The following NEU3 variants were observed in gnomAD, a reference collection of about 807,000 sequenced individuals.
NEU3 encodes the protein neuraminidase 3.
In NEU3, 10 loss-of-function variants were observed where a neutral mutation model predicts 11.4. The ratio of observed to expected loss-of-function variants is 0.88; its 90% CI spans 0.54 to 1.49. NEU3 has a LOEUF of 1.49. Ranked by LOEUF, NEU3 falls within the 40% of genes most tolerant of loss-of-function variation. The pLI is 0.00. For synonymous variants in NEU3, 212 were observed against 228.2 expected (o/e 0.93, Z 0.64); for missense variants, 529 against 581.8 (o/e 0.91, Z 0.93).
downstream of NEU3, among the ~76,000 whole-genome samples, chr11:75,012,574 G>A (rs774401027): frequency 1.3e-5 from 2 of 152,198 alleles, no homozygotes; most frequent in Non-Finnish European, 2.9e-5. Flanking sequence ...ACCTTTTGGC[G>A]ATTTGTCGCA....
rs1565497318 is a variant in NEU3, at chr11:75,005,717, C to T, written c.611C>T (p.Ser204Leu). Residue 204 changes from serine to leucine, a missense_variant, in exon 3 of 3, where the codon TCA becomes TTA. Transcript: ENST00000294064. ...VGPGHGIQLQ[S>L]GRLVIPAYTY... ...CCAGGTCATGGCATCCAGCTGCAGTCAGGGAGACTGGTCATCCCTGCGTAT... is the reference window on the plus strand; with the variant it reads ...CCAGGTCATGGCATCCAGCTGCAGTTAGGGAGACTGGTCATCCCTGCGTAT... The T allele has an allele frequency of 6.2e-7, 1 of 1,614,018 alleles. No individual in the cohort carries two copies. The highest frequency in any genetic ancestry group is 1.1e-5 in the South Asian group (1 of 91,080).
intron 2 of NEU3, 21 bp from the exon 3 acceptor site, chr11:75,005,392 T>G (rs1467901176): frequency 1.9e-6 from 3 of 1,560,580 alleles, no homozygotes; most frequent in Non-Finnish European, 2.6e-6. Context: ...CACTCCTACT[T>G]TCTCCCTTCT....
downstream of NEU3, among the ~76,000 whole-genome samples, chr11:75,020,363 C>T (rs892556431): frequency 6.6e-6 from 1 of 152,030 alleles, no homozygotes; most frequent in African/African-American, 2.4e-5. Context: ...TTGGGAGGGG[C>T]CAGGAGCAGA....
rs1270339175 is a variant in NEU3 at position 75,008,146 on chromosome 11, C to T, written c.*1654C>T. On this transcript the variant is annotated 3_prime_UTR_variant, in exon 3 of 3. Transcript: ENST00000294064. ...ATTTATCTAAATATTTCTTGAGTGC[C>T]TAATACAAGGTACTTTCTACTGCCA... 6.6e-6 allele frequency: 1 copy of T among 152,198 alleles called. No individual in the cohort carries two copies. Among genetic ancestry groups the T allele is most frequent in the Non-Finnish European group, 1.5e-5 (1 of 68,050 alleles). The allele number at this position is 152,198 out of a possible 1,614,324, so 9.4% of individuals were successfully genotyped here.
At chr11:74,990,129 A>G (rs1390779252) in intron 1 of NEU3, 2 of 662,642 alleles carry the variant, frequency 3.0e-6, no homozygotes, top group Non-Finnish European at 5.5e-6. Flanking sequence ...ATAATTAAAG[A>G]CACCTATTAA....
chr11:75,017,326 G>T (rs1565500848), intron 3 of NEU3, among the ~76,000 whole-genome samples: 1 of 152,180 alleles, frequency 6.6e-6, no homozygotes, highest in Admixed American at 6.5e-5. Context: ...TTGCTAAGGT[G>T]CTGAGGCTGA....
chr11:74,995,088 G>A (rs779722158), intron 2 of NEU3: 1 of 528,096 alleles, frequency 1.9e-6, no homozygotes, highest in Non-Finnish European at 3.4e-6. Flanking sequence ...GCTAACGTAT[G>A]ATGTGCCTTT....
rs957139752 is a variant in NEU3 at position 75,010,206 on chromosome 11, C to T, written c.*3714C>T. Reference sequence around the variant, plus strand: ...AGGCTGTGAACTCCTTGACTGACTCCTCACTGTGTCCTTTTTACCTTGAAT... The same window carrying T: ...AGGCTGTGAACTCCTTGACTGACTCTTCACTGTGTCCTTTTTACCTTGAAT... On this transcript the variant is annotated 3_prime_UTR_variant, in exon 3 of 3. Coordinates refer to ENST00000294064, the MANE Select transcript of NEU3 (RefSeq NM_006656.6). 2 of 152,248 alleles carry T rather than the reference C, an allele frequency of 1.3e-5. No individual in the cohort carries two copies. The highest frequency in any genetic ancestry group is 6.5e-5 in the Admixed American group (1 of 15,288). The allele number at this position is 152,248 out of a possible 1,614,324, so 9.4% of individuals were successfully genotyped here.
chr11:75,002,100 G>A (rs1948850538), intron 2 of NEU3, among the ~76,000 whole-genome samples: 1 of 152,164 alleles, frequency 6.6e-6, no homozygotes, highest in African/African-American at 2.4e-5. Context: ...CTGTCACCTA[G>A]GGTGGAGTGC....
Position 75,006,599 on chromosome 11 carries a change from C to A in NEU3, c.*107C>A. The stretch of plus-strand genomic sequence containing the variant: ...AAAAAACTTAATATTCTGTTCCCTA[C>A]CTTTTTTCACTTTTCCTCCTCCAAA... On this transcript the variant is annotated 3_prime_UTR_variant, in exon 3 of 3. Coordinates refer to ENST00000294064, the MANE Select transcript of NEU3 (RefSeq NM_006656.6). 7.5e-7 allele frequency: 1 copy of A among 1,339,814 alleles called. No homozygotes were observed. The highest frequency in any genetic ancestry group is 9.9e-7 in the Non-Finnish European group (1 of 1,005,792). 83.0% of individuals were successfully genotyped at this position (1,339,814 alleles called of 1,614,324 possible). A position where few individuals can be genotyped will look rare whatever the true frequency, so the allele number is the denominator to read the frequency against.
upstream of NEU3, among the ~76,000 whole-genome samples, chr11:74,984,698 T>C (rs1480931240): frequency 5.3e-5 from 8 of 152,198 alleles, no homozygotes; most frequent in Non-Finnish European, 2.9e-5. Context: ...TTCAAACTTT[T>C]ATATAATTCT....
intron 3 of NEU3, among the ~76,000 whole-genome samples, chr11:75,016,809 A>G (rs2140260215): frequency 6.6e-6 from 1 of 152,336 alleles, no homozygotes; most frequent in South Asian, 2.1e-4. Flanking sequence ...GATGCCATTG[A>G]GAGAATCCCA....
intron 1 of NEU3, chr11:74,989,954 C>G (rs1425808466): frequency 7.1e-6 from 5 of 702,370 alleles, no homozygotes; most frequent in Non-Finnish European, 1.0e-5. Context: ...TTTTCTATCC[C>G]GTTTCCAGCA....
chr11:74,998,373 T>G (rs1368476861), intron 2 of NEU3, among the ~76,000 whole-genome samples: 1 of 152,208 alleles, frequency 6.6e-6, no homozygotes, highest in African/African-American at 2.4e-5. Context: ...TGTGGCAATA[T>G]CTGACAAATG....
chr11:75,005,265 C>T (rs910855364), intron 2 of NEU3, 148 bp from the exon 3 acceptor site: 13 of 808,092 alleles, frequency 1.6e-5, no homozygotes, highest in East Asian at 5.5e-5. Context: ...CTGTAATATC[C>T]GAGAATTTAG....
In NEU3 at chr11:74,993,654, C is replaced by T. The variant is rs115068808; in HGVS notation, c.95-855C>T. 3.2e-3 allele frequency among the ~76,000 whole-genome samples: 488 copies of T among 152,212 alleles called. 3 individuals are homozygous for T. Among genetic ancestry groups the T allele is most frequent in the African/African-American group, 0.011 (471 of 41,510 alleles). ...ACTTTCTGTTGCTTATAACAGAATA[C>T]GTGAAACTGGGTAACTTATAAAGAA... On this transcript the variant is annotated intron_variant, in intron 1 of 2. Transcript: ENST00000294064.
chr11:75,016,199 A>T (rs1253753696), intron 3 of NEU3, among the ~76,000 whole-genome samples: 2 of 152,222 alleles, frequency 1.3e-5, no homozygotes, highest in South Asian at 4.1e-4. Context: ...GTGGGGCTTC[A>T]TTGTACCCAT....
At chr11:74,987,512 A>G (rs968838008), upstream of NEU3, among the ~76,000 whole-genome samples, 3 of 152,200 alleles carry the variant, frequency 2.0e-5, no homozygotes, top group Non-Finnish European at 4.4e-5. Flanking sequence ...GGGACAAAAT[A>G]GTATTTTAAG....
chr11:74,998,499 T>TA (rs985749405), intron 2 of NEU3, among the ~76,000 whole-genome samples: 1 of 152,030 alleles, frequency 6.6e-6, no homozygotes, highest in Non-Finnish European at 1.5e-5. Flanking sequence ...GAGTCTTTTG[T>TA]AAAAAAAATA....
Sources: gnomAD v4.1 joint callset for allele counts (sites outside exome capture counted in the v4.1 genomes callset) on GRCh38, gnomAD v4.1.1 for gene constraint, MANE v1.5 for transcripts, NCBI Gene and HGNC (gene_info 2026-07-23, HGNC 2026-07-21) for gene names.